Variants in CACNA1C observed in about 807,000 individuals in gnomAD.
The protein encoded by CACNA1C is calcium voltage-gated channel subunit alpha1 C.
A neutral mutation model predicts 229.0 loss-of-function variants in CACNA1C; 30 were observed. The observed-to-expected ratio is 0.13, with a 90% CI of 0.10 to 0.18. The LOEUF (loss-of-function observed/expected upper bound fraction) is 0.18. Ranked by LOEUF, CACNA1C falls within the 10% of genes least tolerant of loss-of-function variation. CACNA1C has a pLI of 1.00. For missense variants in CACNA1C, 1,658 were observed against 2,845.0 expected (o/e 0.58, Z 9.49); for synonymous variants, 1,114 against 1,132.5 (o/e 0.98, Z 0.33).
At chr12:2,447,544 C>A (rs2154562512) in intron 3 of CACNA1C, among the ~76,000 whole-genome samples, 1 of 148,514 alleles carries the variant, frequency 6.7e-6, no homozygotes, top group Non-Finnish European at 1.5e-5. Flanking sequence ...CAGAATTCTA[C>A]AGTTTTTAAT....
In CACNA1C at chr12:2,403,852, A is replaced by C. The variant is rs1457482424; in HGVS notation, c.478-45124A>C. Among the ~76,000 whole-genome samples, 1 of 152,190 alleles carries C rather than the reference A, an allele frequency of 6.6e-6. No homozygotes were observed. The highest frequency in any genetic ancestry group is 1.5e-5 in the Non-Finnish European group (1 of 68,034). ...GACAGACTGCTGGTGTCCGTGGACC[A>C]CAGCTCTGCTCTGGGGCCCCAGGGA... On this transcript the variant is annotated intron_variant, in intron 3 of 46. Coordinates refer to ENST00000399655, the MANE Select transcript of CACNA1C (RefSeq NM_000719.7). The surrounding 1 kb of genome is among the most constrained non-coding windows in gnomAD (Gnocchi z 4.1).
At chr12:2,438,362 A>G (rs1233137422) in intron 3 of CACNA1C, among the ~76,000 whole-genome samples, 6 of 131,024 alleles carry the variant, frequency 4.6e-5, no homozygotes, top group African/African-American at 8.7e-5. Context: ...GGTGGTAATG[A>G]TGGTGGTGGT....
rs369929612 is a variant in CACNA1C, at chr12:2,407,294, C to T, written c.478-41682C>T. On this transcript the variant is annotated intron_variant, in intron 3 of 46. Transcript: ENST00000399655. ...CGACACCATGTGGGTACTGGGGAGC[C>T]TCATCATGACCCAGTGGGAAGGAAC... 2.6e-3 allele frequency among the ~76,000 whole-genome samples: 378 copies of T among 144,274 alleles called. 1 individual carries two copies. The highest frequency in any genetic ancestry group is 0.011 in the Middle Eastern group (3 of 278). 94.6% of individuals were successfully genotyped at this position (144,274 alleles called of 152,430 possible).
At chr12:2,624,467 C>G (rs2085159513) in intron 29 of CACNA1C, among the ~76,000 whole-genome samples, 1 of 152,228 alleles carries the variant, frequency 6.6e-6, no homozygotes, top group Non-Finnish European at 1.5e-5. Flanking sequence ...AACACTGCCA[C>G]TAGAAATATG....
chr12:2,218,160 C>A (rs766813980), intron 3 of CACNA1C, among the ~76,000 whole-genome samples: 1 of 152,184 alleles, frequency 6.6e-6, no homozygotes, highest in Non-Finnish European at 1.5e-5. Context: ...GCTCCTCCCA[C>A]GTCCCTACTC....
intron 3 of CACNA1C, among the ~76,000 whole-genome samples, chr12:2,134,893 G>A (rs1264995148): frequency 9.4e-6 from 1 of 105,900 alleles, no homozygotes; most frequent in Non-Finnish European, 1.9e-5. Flanking sequence ...ATAATATCCT[G>A]CAGAGTGTTT....
At chr12:1,980,190 A>T (rs905349641) in intron 1 of CACNA1C, among the ~76,000 whole-genome samples, 1 of 152,200 alleles carries the variant, frequency 6.6e-6, no homozygotes, top group African/African-American at 2.4e-5. Context: ...CTTTATTCAG[A>T]ATAGCTCAAA....
At chr12:2,330,574 A>G (rs750486360) in intron 3 of CACNA1C, among the ~76,000 whole-genome samples, 4 of 152,374 alleles carry the variant, frequency 2.6e-5, no homozygotes, top group Non-Finnish European at 5.9e-5. Flanking sequence ...GCTTCAGTCC[A>G]GAGGCCAAGT....
At chr12:2,227,117 T>C (rs2063237257) in intron 3 of CACNA1C, among the ~76,000 whole-genome samples, 1 of 152,216 alleles carries the variant, frequency 6.6e-6, no homozygotes, top group Admixed American at 6.5e-5. Context: ...TGCCCTCCCC[T>C]TTTTAGCTAT....
rs1390784278 is a variant in CACNA1C, at chr12:2,665,033, C to T, written c.4398+43C>T. On this transcript the variant is annotated intron_variant, in intron 35 of 46. Coordinates refer to ENST00000399655, the MANE Select transcript of CACNA1C (RefSeq NM_000719.7). The surrounding 1 kb of genome is among the most constrained non-coding windows in gnomAD (Gnocchi z 5.9). ...TCAACAGCCAGCAGCCATGACTGCC[C>T]AGTTCCAGGGCAGTCTGAACCGTCC... is the stretch of plus-strand genomic sequence containing the variant. 4 of 1,602,600 alleles carry T rather than the reference C, an allele frequency of 2.5e-6. No homozygotes were observed. Among genetic ancestry groups the T allele is most frequent in the East Asian group, 2.2e-5 (1 of 44,830 alleles).
At chr12:2,218,491 C>A (rs901307766) in intron 3 of CACNA1C, among the ~76,000 whole-genome samples, 1 of 152,106 alleles carries the variant, frequency 6.6e-6, no homozygotes, top group African/African-American at 2.4e-5. Context: ...CTTTTTTATT[C>A]CTGTAGTGCT....
chr12:2,148,294 A>G (rs2154208523), intron 3 of CACNA1C, among the ~76,000 whole-genome samples: 1 of 151,392 alleles, frequency 6.6e-6, no homozygotes, highest in East Asian at 1.9e-4. Context: ...CGCACTGAAA[A>G]GACCTGCCAT....
At chr12:2,398,136 G>C (rs1312030261) in intron 3 of CACNA1C, among the ~76,000 whole-genome samples, 1 of 152,210 alleles carries the variant, frequency 6.6e-6, no homozygotes, top group Non-Finnish European at 1.5e-5. Flanking sequence ...TCATTTTTGT[G>C]CTTTAAATAT....
At chr12:2,202,338 C>T (rs2097603200) in intron 3 of CACNA1C, among the ~76,000 whole-genome samples, 1 of 152,192 alleles carries the variant, frequency 6.6e-6, no homozygotes, top group South Asian at 2.1e-4. Flanking sequence ...TGTCTTTTTC[C>T]TAATTTCATG....
chr12:2,462,910 A>ATTTTTTTT (rs147569410), intron 5 of CACNA1C, among the ~76,000 whole-genome samples: 1 of 120,950 alleles, frequency 8.3e-6, no homozygotes. Flanking sequence ...CAAAAGTTGC[A>ATTTTTTTT]TTTTTTTTTT....
intron 1 of CACNA1C, among the ~76,000 whole-genome samples, chr12:2,056,194 TGA>T (rs1315956162): frequency 2.0e-5 from 2 of 102,244 alleles, no homozygotes; most frequent in Admixed American, 2.1e-4. Context: ...TGAGTGTGTG[TGA>T]GTGTGTGTGT....
At chr12:2,464,600 C>G (rs1007425973) in intron 5 of CACNA1C, among the ~76,000 whole-genome samples, 4 of 152,164 alleles carry the variant, frequency 2.6e-5, no homozygotes, top group African/African-American at 7.2e-5. Flanking sequence ...TGATTTAGTC[C>G]TAATGGAATG....
chr12:1,993,943 G>T (rs142197779), intron 1 of CACNA1C, among the ~76,000 whole-genome samples: 102 of 152,276 alleles, frequency 6.7e-4, no homozygotes, highest in African/African-American at 2.4e-3. Flanking sequence ...GCCTGAACTA[G>T]AAGTTTACAT....
In CACNA1C at chr12:2,575,162, A is replaced by G. The variant is rs2057951098; in HGVS notation, c.1896-6428A>G. Reference sequence around the variant, plus strand: ...GAGACATCTGCTGCAAACAGAGAAGACAAGACCTTTGAACTTGTTAACTAA... The same window carrying G: ...GAGACATCTGCTGCAAACAGAGAAGGCAAGACCTTTGAACTTGTTAACTAA... On this transcript the variant is annotated intron_variant, in intron 13 of 46. Transcript: ENST00000399655. The surrounding 1 kb of genome is among the most constrained non-coding windows in gnomAD (Gnocchi z 4.0). 6.6e-6 allele frequency among the ~76,000 whole-genome samples: 1 copy of G among 152,204 alleles called. No homozygotes were observed. Among genetic ancestry groups the G allele is most frequent in the South Asian group, 2.1e-4 (1 of 4,828 alleles).
Sources: gnomAD v4.1 joint callset for allele counts (sites outside exome capture counted in the v4.1 genomes callset) on GRCh38, gnomAD v4.1.1 for gene constraint, Gnocchi (gnomAD v3.1) non-coding constraint, MANE v1.5 for transcripts, NCBI Gene and HGNC (gene_info 2026-07-23, HGNC 2026-07-21) for gene names.